Variants in MUC20 observed in about 807,000 individuals in gnomAD.
The protein encoded by MUC20 is mucin 20, cell surface associated, also known as mucin-20.
In MUC20, 14 loss-of-function variants were observed where a neutral mutation model predicts 23.8. The ratio of observed to expected loss-of-function variants is 0.59; its 90% CI spans 0.39 to 0.92. MUC20 has a LOEUF of 0.92. MUC20 is among the 40% of genes least tolerant of loss of function. The pLI, the probability that MUC20 is intolerant of heterozygous loss-of-function variation, is 0.00. For synonymous variants in MUC20, 166 were observed against 279.3 expected (o/e 0.59, Z 4.04); for missense variants, 375 against 668.8 (o/e 0.56, Z 4.85).
intron 2 of MUC20, among the ~76,000 whole-genome samples, chr3:195,727,208 T>C (rs928745211): frequency 6.6e-6 from 1 of 152,274 alleles, no homozygotes; most frequent in Non-Finnish European, 1.5e-5. Context: ...GAGACCAGGC[T>C]GACCAACATG....
At chr3:195,727,946 C>T (rs1201868302) in intron 2 of MUC20, among the ~76,000 whole-genome samples, 1 of 144,482 alleles carries the variant, frequency 6.9e-6, no homozygotes, top group Non-Finnish European at 1.5e-5. Flanking sequence ...AGGCAGTGTG[C>T]CACCAGCTTT....
At chr3:195,732,077 C>A (rs1238538785) in intron 3 of MUC20, among the ~76,000 whole-genome samples, 3 of 152,264 alleles carry the variant, frequency 2.0e-5, no homozygotes, top group Non-Finnish European at 4.4e-5. Context: ...GATCTTGGCT[C>A]ACCACAACCT....
At chr3:195,729,906 T>C in intron 3 of MUC20, 167 bp downstream of exon 3, 1 of 692,252 alleles carries the variant, frequency 1.4e-6, no homozygotes, top group Non-Finnish European at 2.4e-6. Context: ...CTGGCTTTGC[T>C]TCTGCCTGCC....
rs780564191 is a variant in MUC20 at position 195,726,415 on chromosome 3, G to A, written c.1812G>A (p.Arg604=). Residue 604 remains arginine (R), a synonymous_variant, in exon 2 of 4, where the codon AGG becomes AGA. Coordinates refer to ENST00000447234, the MANE Select transcript of MUC20 (RefSeq NM_001282506.2). ...CCAAGGGGCCCTTCCCCACCAGCAG[G>A]GACCCTCTTCCTTCTGTCCCTCCGA... is the stretch of plus-strand genomic sequence containing the variant. ...IATKGPFPTS[R]DPLPSVPPTT... The A allele has an allele frequency of 1.3e-5, 21 of 1,614,014 alleles. No individual in the cohort carries two copies. The highest frequency in any genetic ancestry group is 1.7e-5 in the Non-Finnish European group (20 of 1,179,896).
Position 195,729,452 on chromosome 3 carries a change from G to A in MUC20, c.1970-196G>A, listed in dbSNP as rs528287157. The A allele has an allele frequency of 4.5e-4, 263 of 587,060 alleles. No individual in the cohort carries two copies. The East Asian group carries it at 6.7e-3, about 15-fold the overall frequency. The allele number at this position is 587,060 out of a possible 1,614,324, so 36.4% of individuals were successfully genotyped here. On this transcript the variant is annotated intron_variant, in intron 2 of 3. Coordinates refer to ENST00000447234, the MANE Select transcript of MUC20 (RefSeq NM_001282506.2). ...CTGCCTCAGCCTCCTGAGTAGCTGGGATTACAGGCACGCACCACCATGCCC... is the reference window on the plus strand; with the variant it reads ...CTGCCTCAGCCTCCTGAGTAGCTGGAATTACAGGCACGCACCACCATGCCC...
chr3:195,726,341 G>T lies in MUC20; in HGVS notation c.1738G>T (p.Ala580Ser), dbSNP rs58305151. ...SASSYSPSEA[A>S]LKNFTPSETP... ...TTCCTCCTACAGCCCCTCGGAAGCC[G>T]CCCTCAAGAACTTCACCCCTTCAGA... The change falls in exon 2 of 4, where the codon GCC (alanine) becomes TCC (serine). Residue 580 changes from alanine to serine, a missense_variant. Ala to Ser is a moderately conservative substitution (Grantham distance 99). Coordinates refer to ENST00000447234, the MANE Select transcript of MUC20 (RefSeq NM_001282506.2). 2 of 1,613,872 alleles carry T rather than the reference G, an allele frequency of 1.2e-6. No individual in the cohort carries two copies. Among genetic ancestry groups the T allele is most frequent in the African/African-American group, 1.3e-5 (1 of 74,904 alleles).
At chr3:195,727,478 A>T (rs1310305262) in intron 2 of MUC20, among the ~76,000 whole-genome samples, 1 of 152,278 alleles carries the variant, frequency 6.6e-6, no homozygotes, top group African/African-American at 2.4e-5. Flanking sequence ...TCATTGTCAG[A>T]GGCTGCTTGG....
At chr3:195,729,882 C>T in intron 3 of MUC20, 143 bp downstream of exon 3, 1 of 789,426 alleles carries the variant, frequency 1.3e-6, no homozygotes, top group Non-Finnish European at 2.0e-6. Context: ...GGAGCTGAAT[C>T]TGAGGATCTC....
At chr3:195,729,314 CTT>C (rs10575022) in intron 2 of MUC20, 23,657 of 170,132 alleles carry the variant, frequency 0.14, 832 homozygotes, top group East Asian at 0.35. Flanking sequence ...TCATCCTCCT[CTT>C]TTTTTTTTTT....
chr3:195,728,467 G>A (rs543714169), intron 2 of MUC20, among the ~76,000 whole-genome samples: 1 of 152,190 alleles, frequency 6.6e-6, no homozygotes, highest in East Asian at 1.9e-4. Context: ...CATCTCAGCA[G>A]AGTAAAGAAT....
rs761056299 is a variant in MUC20 at position 195,725,808 on chromosome 3, C to T, written c.1205C>T (p.Pro402Leu). Reference sequence around the variant, plus strand: ...CCAGTCATCACCCCCTCATGGTCCCCGGGATCTGACGTCACTCTCCTCGCT... The same window carrying T: ...CCAGTCATCACCCCCTCATGGTCCCTGGGATCTGACGTCACTCTCCTCGCT... ...PHPVITPSWS[P>L]GSDVTLLAEA... is the part of the protein sequence containing the mutation. Residue 402 changes from proline (P) to leucine (L), a missense_variant, in exon 2 of 4, where the codon CCG becomes CTG. Pro to Leu is a moderately conservative substitution (Grantham distance 98). Around this residue, in one of 4 missense-constraint regions of MUC20, gnomAD observed 17 missense variants for 71.0 expected, o/e 0.24. Coordinates refer to ENST00000447234, the MANE Select transcript of MUC20 (RefSeq NM_001282506.2). 1.2e-3 allele frequency: 1,880 copies of T among 1,565,666 alleles called. 4 individuals are homozygous for T. The African/African-American group carries it at 0.026, about 22-fold the overall frequency.
intron 2 of MUC20, among the ~76,000 whole-genome samples, chr3:195,727,408 G>A (rs1431125462): frequency 2.6e-5 from 4 of 152,362 alleles, no homozygotes; most frequent in East Asian, 1.9e-4. Context: ...CAAATACAGC[G>A]AAGGCTTGGG....
rs1712653361 is a variant in MUC20, at chr3:195,726,310, C to G, written c.1707C>G (p.Ser569Arg). 1 of 1,614,082 alleles carries G rather than the reference C, an allele frequency of 6.2e-7. No individual in the cohort carries two copies. Among genetic ancestry groups the G allele is most frequent in the South Asian group, 1.1e-5 (1 of 91,088 alleles). The change falls in exon 2 of 4, where the codon AGC becomes AGG. Residue 569 changes from serine (S) to arginine (R), a missense_variant. This residue lies in a region of MUC20 where 343 missense variants were observed against 340.2 expected (regional missense o/e 1.01). Transcript: ENST00000447234. ...GCAAAACAACTTCCTTTGCTGGGAG[C>G]TCTGCTTCCTCCTACAGCCCCTCGG... Reference protein sequence around the residue: ...AVGKTTSFAGSSASSYSPSEA... With the variant: ...AVGKTTSFAGRSASSYSPSEA...
Position 195,726,510 on chromosome 3 carries a change from T to G in MUC20, c.1907T>G (p.Met636Arg). The change falls in exon 2 of 4, where the codon ATG becomes AGG. Residue 636 changes from methionine (M) to arginine (R), a missense_variant. By Grantham distance (91) the Met-to-Arg change is moderately conservative. Transcript: ENST00000447234. ...ATCACAACCTCAGCGAAGACCACGATGAAGCCCCCAACAGCCACGCCCACG... is the reference window on the plus strand; with the variant it reads ...ATCACAACCTCAGCGAAGACCACGAGGAAGCCCCCAACAGCCACGCCCACG... ...AKITTSAKTTMKPPTATPTTA... is the reference protein window; with the variant it reads ...AKITTSAKTTRKPPTATPTTA... 1 of 1,614,000 alleles carries G rather than the reference T, an allele frequency of 6.2e-7. No individual in the cohort carries two copies. Among genetic ancestry groups the G allele is most frequent in the Non-Finnish European group, 8.5e-7 (1 of 1,179,896 alleles).
chr3:195,729,054 A>G (rs1428884602), intron 2 of MUC20, among the ~76,000 whole-genome samples: 1 of 152,298 alleles, frequency 6.6e-6, no homozygotes, highest in Non-Finnish European at 1.5e-5. Flanking sequence ...TCCTTTCTAC[A>G]GAGACACAGT....
chr3:195,731,975 CTTTTGTTTTGTTTTG>C (rs57899187), intron 3 of MUC20, among the ~76,000 whole-genome samples: 142 of 151,172 alleles, frequency 9.4e-4, no homozygotes, highest in Middle Eastern at 3.4e-3. Context: ...AAGCCAATTG[CTTTTGTTTTGTTTTG>C]TTTTGTTTTG....
Position 195,733,469 on chromosome 3 carries a change from ATGTTCTG to A in MUC20, c.*256_*262del. On this transcript the variant is annotated 3_prime_UTR_variant, in exon 4 of 4. Coordinates refer to ENST00000447234, the MANE Select transcript of MUC20 (RefSeq NM_001282506.2). ...GGTGTCCTTGGACTCACCTTGGCAC[ATGTTCTG>A]TGTTTCAGTAAAGAGAGACCTGATC... 1 of 1,408,908 alleles carries A rather than the reference ATGTTCTG, an allele frequency of 7.1e-7. No homozygotes were observed. The highest frequency in any genetic ancestry group is 9.2e-7 in the Non-Finnish European group (1 of 1,085,940). The allele number at this position is 1,408,908 out of a possible 1,614,324, so 87.3% of individuals were successfully genotyped here.
rs1713179005 is a variant in MUC20 at position 195,729,808 on chromosome 3, C to T, written c.2061+69C>T. 4 of 1,423,790 alleles carry T rather than the reference C, an allele frequency of 2.8e-6. No individual in the cohort carries two copies. In the Admixed American group the frequency reaches 5.9e-5, roughly 21 times the overall value. 88.2% of individuals were successfully genotyped at this position (1,423,790 alleles called of 1,614,324 possible). The stretch of plus-strand genomic sequence containing the variant: ...AGGTTCGCAGGGGCTGCAGGGAAGA[C>T]CCGCAGGACACAGAAGAGCAGCTAC... On this transcript the variant is annotated intron_variant, in intron 3 of 3. Coordinates refer to ENST00000447234, the MANE Select transcript of MUC20 (RefSeq NM_001282506.2).
At chr3:195,732,466 T>G (rs1326977764) in intron 3 of MUC20, among the ~76,000 whole-genome samples, 1 of 152,168 alleles carries the variant, frequency 6.6e-6, no homozygotes, top group Non-Finnish European at 1.5e-5. Context: ...TTCAAGCAAT[T>G]CTCCTGCCTC....
Sources: gnomAD v4.1 joint callset for allele counts (sites outside exome capture counted in the v4.1 genomes callset) on GRCh38, gnomAD v4.1.1 for gene constraint, gnomAD v4.1.1 regional missense constraint, MANE v1.5 for transcripts, NCBI Gene and HGNC (gene_info 2026-07-23, HGNC 2026-07-21) for gene names.